Variants in MAF observed in about 807,000 individuals in gnomAD.
The protein encoded by MAF is MAF bZIP transcription factor, also known as transcription factor Maf.
A neutral mutation model predicts 22.0 loss-of-function variants in MAF; 10 were observed. The observed-to-expected ratio is 0.45, with a 90% CI of 0.28 to 0.77. MAF has a LOEUF of 0.77. MAF is among the 30% of genes least tolerant of loss of function. The probability of loss-of-function intolerance (pLI) is 0.12; values close to 1 mark genes in which losing one functional copy is unlikely to be tolerated. For missense variants in MAF, 544 were observed against 548.4 expected, an observed-to-expected ratio of 0.99 and a Z score of 0.08; for synonymous variants, 337 against 255.8, an observed-to-expected ratio of 1.32 and a Z score of -3.03.
At chr16:79,226,521 T>A in the MAF span, among the ~76,000 whole-genome samples, 1 of 151,994 alleles carries the variant, frequency 6.6e-6, no homozygotes, top group Admixed American at 6.6e-5. Context: ...GAACTTAAAG[T>A]ATATAAAAAA....
chr16:79,352,434 G>C, the MAF span, among the ~76,000 whole-genome samples: 1 of 152,098 alleles, frequency 6.6e-6, no homozygotes, highest in Non-Finnish European at 1.5e-5. Context: ...TGCCTTTTAT[G>C]AGCTGTGGGA....
chr16:79,584,580 G>A (rs1349277510), downstream of MAF, among the ~76,000 whole-genome samples: 1 of 152,128 alleles, frequency 6.6e-6, no homozygotes, highest in Non-Finnish European at 1.5e-5. Flanking sequence ...GCTGAAAATG[G>A]ATGGTTTCAA....
chr16:79,256,106 C>T, the MAF span, among the ~76,000 whole-genome samples: 221 of 150,906 alleles, frequency 1.5e-3, 1 homozygote, highest in African/African-American at 5.2e-3. Flanking sequence ...CTCAGTCTCC[C>T]GAGTAGCTGG....
At chr16:79,231,594 C>T in the MAF span, among the ~76,000 whole-genome samples, 1 of 151,870 alleles carries the variant, frequency 6.6e-6, no homozygotes, top group Non-Finnish European at 1.5e-5. Flanking sequence ...TTGTTCCATC[C>T]CATCCCTTAA....
chr16:79,531,002 G>C, the MAF span, among the ~76,000 whole-genome samples: 5,990 of 152,264 alleles, frequency 0.039, 219 homozygotes, highest in Non-Finnish European at 0.054. Flanking sequence ...TTGCCTGCCA[G>C]TAAGTTTCTG....
the MAF span, among the ~76,000 whole-genome samples, chr16:79,526,241 G>T: frequency 6.6e-6 from 1 of 152,106 alleles, no homozygotes; most frequent in East Asian, 1.9e-4. Context: ...TTGAGGGGAG[G>T]ATTTCAGGAT....
the MAF span, among the ~76,000 whole-genome samples, chr16:79,302,203 G>C: frequency 1.3e-5 from 2 of 152,212 alleles, no homozygotes; most frequent in East Asian, 3.9e-4. Flanking sequence ...GAATGACTCA[G>C]GACTCCATTC....
the MAF span, among the ~76,000 whole-genome samples, chr16:79,364,024 C>G: frequency 2.0e-5 from 3 of 152,124 alleles, no homozygotes; most frequent in Admixed American, 6.5e-5. Flanking sequence ...AAAAGCAACT[C>G]AAAGGCAACT....
At chr16:79,586,288 G>A (rs1912835484) in intron 1 of MAF, among the ~76,000 whole-genome samples, 1 of 151,696 alleles carries the variant, frequency 6.6e-6, no homozygotes, top group South Asian at 2.1e-4. Context: ...GTTCATAGAA[G>A]GGAAGGATTT....
the MAF span, among the ~76,000 whole-genome samples, chr16:79,230,577 C>A: frequency 2.6e-5 from 4 of 152,250 alleles, no homozygotes; most frequent in East Asian, 5.8e-4. Context: ...AGCTGAGCAA[C>A]CTTCAGCACA....
the MAF span, among the ~76,000 whole-genome samples, chr16:79,405,587 C>T: frequency 5.3e-4 from 81 of 152,262 alleles, no homozygotes; most frequent in African/African-American, 1.9e-3. Flanking sequence ...CCCTTCAATT[C>T]GCCTTAGTGC....
the MAF span, among the ~76,000 whole-genome samples, chr16:79,465,838 G>C: frequency 6.6e-6 from 1 of 152,176 alleles, no homozygotes; most frequent in Non-Finnish European, 1.5e-5. Flanking sequence ...TACAGGAAAA[G>C]AGCTTCATAT....
At chr16:79,496,156 G>A in the MAF span, among the ~76,000 whole-genome samples, 23 of 152,140 alleles carry the variant, frequency 1.5e-4, no homozygotes, top group Non-Finnish European at 3.2e-4. Context: ...CTAAGTGTAG[G>A]AGTATTTGTT....
the MAF span, among the ~76,000 whole-genome samples, chr16:79,497,649 G>A: frequency 6.6e-6 from 1 of 152,314 alleles, no homozygotes; most frequent in South Asian, 2.1e-4. Context: ...AGACCCGTGG[G>A]TTCATCCTTG....
the MAF span, among the ~76,000 whole-genome samples, chr16:79,280,202 A>G: frequency 1.9e-4 from 29 of 152,342 alleles, 1 homozygote; most frequent in Middle Eastern, 6.8e-3. Context: ...GTGTTGGTTA[A>G]CCGGGCTTGC....
chr16:79,599,573 G>T lies in MAF; in HGVS notation c.330C>A (p.Pro110=), dbSNP rs768483870. 1.2e-6 allele frequency: 2 copies of T among 1,600,654 alleles called. No homozygotes were observed. The highest frequency in any genetic ancestry group is 1.7e-5 in the Admixed American group (1 of 58,170). ...QLNPEALGFS[P]EDAVEALISN... is the part of the protein sequence containing the mutation. ...TGATGAGCGCCTCGACCGCGTCCTC[G>T]GGGCTGAAGCCCAGCGCCTCGGGGT... The change falls in exon 1 of 2, where the codon CCC becomes CCA. Residue 110 remains proline (P), a synonymous_variant. Coordinates refer to ENST00000326043, the MANE Select transcript of MAF (RefSeq NM_005360.5).
At chr16:79,526,463 C>T in the MAF span, among the ~76,000 whole-genome samples, 1 of 152,138 alleles carries the variant, frequency 6.6e-6, no homozygotes, top group Admixed American at 6.5e-5. Context: ...CTGCTTACTT[C>T]CTGCTGTGCA....
chr16:79,205,156 A>G, the MAF span: 1 of 151,950 alleles, frequency 6.6e-6, no homozygotes, highest in Non-Finnish European at 1.5e-5. Context: ...GCTGCATGGC[A>G]CTCTTCCCCC....
chr16:79,485,133 A>T, the MAF span, among the ~76,000 whole-genome samples: 2 of 152,234 alleles, frequency 1.3e-5, no homozygotes, highest in Non-Finnish European at 2.9e-5. Context: ...GATAAAAGCC[A>T]GTTTCCTCCA....
Sources: gnomAD v4.1 joint callset for allele counts (sites outside exome capture counted in the v4.1 genomes callset) on GRCh38, gnomAD v4.1.1 for gene constraint, MANE v1.5 for transcripts, NCBI Gene and HGNC (gene_info 2026-07-23, HGNC 2026-07-21) for gene names.